Variants in RIMS2 observed in about 807,000 individuals in gnomAD.
RIMS2 encodes the protein regulating synaptic membrane exocytosis 2.
In RIMS2, 59 loss-of-function variants were observed where a neutral mutation model predicts 174.4. The observed-to-expected ratio is 0.34, with a 90% confidence interval of 0.27 to 0.42. RIMS2 has a LOEUF of 0.42. RIMS2 is among the 10% of genes least tolerant of loss of function. The pLI, the probability that RIMS2 is intolerant of heterozygous loss-of-function variation, is 1.00. For missense variants in RIMS2, 1,620 were observed against 1,666.3 expected (o/e 0.97, Z 0.48); for synonymous variants, 606 against 572.5 (o/e 1.06, Z -0.84).
chr8:103,907,290 T>A (rs957591418), intron 4 of RIMS2, among the ~76,000 whole-genome samples: 2 of 152,244 alleles, frequency 1.3e-5, no homozygotes, highest in Non-Finnish European at 2.9e-5. Context: ...CTTTTTCTAC[T>A]TTTTTACTTC....
chr8:104,019,757 A>G (rs1035617008), intron 19 of RIMS2, among the ~76,000 whole-genome samples: 7 of 152,120 alleles, frequency 4.6e-5, no homozygotes, highest in African/African-American at 9.7e-5. Flanking sequence ...ATGGAATACT[A>G]TAAGAATGAA....
intron 2 of RIMS2, among the ~76,000 whole-genome samples, chr8:103,727,461 T>G (rs1337136885): frequency 6.6e-6 from 1 of 152,236 alleles, no homozygotes; most frequent in Non-Finnish European, 1.5e-5. Context: ...GCAGAAGTTT[T>G]TTTTTTTAAC....
chr8:103,554,395 C>T (rs541054007), intron 1 of RIMS2, among the ~76,000 whole-genome samples: 18 of 152,168 alleles, frequency 1.2e-4, no homozygotes, highest in Admixed American at 5.2e-4. Context: ...TGAACAGATG[C>T]TTTTCAAAAG....
chr8:104,124,600 T>G lies in RIMS2; in HGVS notation c.3334+109985T>G, dbSNP rs556573679. Among the ~76,000 whole-genome samples, 18 of 152,322 alleles carry G rather than the reference T, an allele frequency of 1.2e-4. No individual in the cohort carries two copies. In the East Asian group the frequency reaches 2.7e-3, roughly 23 times the overall value. On this transcript the variant is annotated intron_variant, in intron 19 of 23. Transcript: ENST00000504942. The stretch of plus-strand genomic sequence containing the variant: ...AGGCTAAGACCACAGACTGTATTCT[T>G]GAAAAGCTCTTCAAGTGGTTGTGGT...
At chr8:104,074,531 G>T (rs1196817235) in intron 19 of RIMS2, among the ~76,000 whole-genome samples, 1 of 152,062 alleles carries the variant, frequency 6.6e-6, no homozygotes, top group African/African-American at 2.4e-5. Flanking sequence ...ATAAAGAAAT[G>T]ACTAAGATAA....
chr8:104,252,408 T>C (rs1324841323), downstream of RIMS2: 1 of 154,376 alleles, frequency 6.5e-6, no homozygotes, highest in East Asian at 1.9e-4. Flanking sequence ...CTAAGATGTG[T>C]TGGACTCTGA....
chr8:103,823,539 C>A (rs984393886), intron 3 of RIMS2, among the ~76,000 whole-genome samples: 3 of 151,994 alleles, frequency 2.0e-5, no homozygotes, highest in African/African-American at 7.2e-5. Context: ...TCCTTTGAAA[C>A]ATTGCCACTG....
chr8:104,004,775 A>C (rs1169861035), intron 17 of RIMS2, among the ~76,000 whole-genome samples: 3 of 152,184 alleles, frequency 2.0e-5, no homozygotes, highest in African/African-American at 7.2e-5. Context: ...GACTAAACAC[A>C]CAGATGGATT....
chr8:103,923,249 C>A (rs17238125), intron 10 of RIMS2, among the ~76,000 whole-genome samples: 1 of 151,516 alleles, frequency 6.6e-6, no homozygotes, highest in Non-Finnish European at 1.5e-5. Context: ...TGATCCCAGT[C>A]CATAAATAAA....
rs145382392 is a variant in RIMS2 at position 104,109,082 on chromosome 8, G to A, written c.3334+94467G>A. 7.4e-3 allele frequency among the ~76,000 whole-genome samples: 1,128 copies of A among 152,088 alleles called. 13 individuals are homozygous for A. Among genetic ancestry groups the A allele is most frequent in the African/African-American group, 0.026 (1,063 of 41,518 alleles). On this transcript the variant is annotated intron_variant, in intron 19 of 23. Transcript: ENST00000504942. ...GGAGGCCGAGGCGGACAGATCAATA[G>A]GTCAGGAGATCGAGACCATCTTGGC...
At chr8:103,760,494 T>C (rs72679490) in intron 2 of RIMS2, among the ~76,000 whole-genome samples, 17,604 of 152,296 alleles carry the variant, frequency 0.12, 1,343 homozygotes, top group Non-Finnish European at 0.17. Flanking sequence ...ATGGCAGTGC[T>C]GGGTGAGGGC....
intron 19 of RIMS2, among the ~76,000 whole-genome samples, chr8:104,136,081 T>A (rs1334413835): frequency 1.3e-5 from 2 of 152,214 alleles, no homozygotes; most frequent in Non-Finnish European, 2.9e-5. Context: ...TTCAGTTGGC[T>A]TACCAGTAGA....
chr8:103,599,272 C>T (rs1470491036), intron 1 of RIMS2, among the ~76,000 whole-genome samples: 2 of 150,918 alleles, frequency 1.3e-5, no homozygotes, highest in Non-Finnish European at 2.9e-5. Flanking sequence ...TCCGTTTTTA[C>T]AAGTGGGGAA....
At chr8:103,557,431 C>G (rs1368110713) in intron 1 of RIMS2, among the ~76,000 whole-genome samples, 1 of 152,122 alleles carries the variant, frequency 6.6e-6, no homozygotes, top group African/African-American at 2.4e-5. Flanking sequence ...TTCTTATTTT[C>G]TTTCCCACTT....
chr8:103,746,707 G>A (rs2097821748), intron 2 of RIMS2, among the ~76,000 whole-genome samples: 2 of 151,580 alleles, frequency 1.3e-5, no homozygotes, highest in Non-Finnish European at 2.9e-5. Flanking sequence ...TTGAGACGGA[G>A]TCTTGCTCTG....
intron 19 of RIMS2, among the ~76,000 whole-genome samples, chr8:104,108,856 A>G (rs2098125383): frequency 6.6e-6 from 1 of 152,084 alleles, no homozygotes; most frequent in Non-Finnish European, 1.5e-5. Context: ...GCTACCTTAT[A>G]TGGTACACCT....
intron 19 of RIMS2, among the ~76,000 whole-genome samples, chr8:104,212,386 T>C (rs1416937207): frequency 1.3e-5 from 2 of 152,018 alleles, no homozygotes; most frequent in East Asian, 1.9e-4. Flanking sequence ...GCCACAAAGA[T>C]AGGAAGAAAA....
chr8:104,102,810 A>G (rs1486786073), intron 19 of RIMS2, among the ~76,000 whole-genome samples: 1 of 152,174 alleles, frequency 6.6e-6, no homozygotes, highest in Non-Finnish European at 1.5e-5. Context: ...CCATGATTCA[A>G]TTACCTCCCA....
At chr8:104,144,584 T>G (rs914293231) in intron 19 of RIMS2, among the ~76,000 whole-genome samples, 3 of 152,156 alleles carry the variant, frequency 2.0e-5, no homozygotes, top group African/African-American at 4.8e-5. Flanking sequence ...AAAGATAAAC[T>G]TTTTTTAAAA....
Sources: gnomAD v4.1 joint callset for allele counts (sites outside exome capture counted in the v4.1 genomes callset) on GRCh38, gnomAD v4.1.1 for gene constraint, MANE v1.5 for transcripts, NCBI Gene and HGNC (gene_info 2026-07-23, HGNC 2026-07-21) for gene names.